Variants in ARPC1A observed in about 807,000 individuals in gnomAD.
ARPC1A encodes actin related protein 2/3 complex subunit 1A, also known as actin-related protein 2/3 complex subunit 1A.
A neutral mutation model predicts 46.9 loss-of-function variants in ARPC1A; 8 were observed. That is an observed-to-expected ratio of 0.17 (90% CI 0.10 to 0.31). ARPC1A has a LOEUF of 0.31. Among genes scored for constraint, ARPC1A ranks in the 10% least tolerant of loss-of-function variants. ARPC1A has a pLI of 1.00. For synonymous variants in ARPC1A, 152 were observed against 169.0 expected, an observed-to-expected ratio of 0.90 and a Z score of 0.78; for missense variants, 286 against 483.6, an observed-to-expected ratio of 0.59 and a Z score of 3.83.
chr7:99,358,523 G>A, intron 7 of ARPC1A, 108 bp downstream of exon 7: 13 of 546,438 alleles, frequency 2.4e-5, no homozygotes, highest in Non-Finnish European at 3.3e-5. Context: ...TTTTTTAGAA[G>A]AAACAGAGCT....
At chr7:99,338,521 G>C (rs1010196014) in intron 3 of ARPC1A, among the ~76,000 whole-genome samples, 2 of 151,514 alleles carry the variant, frequency 1.3e-5, no homozygotes. Flanking sequence ...GAGTAGCTGG[G>C]ATTACAGGCA....
At chr7:99,343,842 T>C (rs1157989810) in intron 3 of ARPC1A, among the ~76,000 whole-genome samples, 1 of 152,210 alleles carries the variant, frequency 6.6e-6, no homozygotes, top group South Asian at 2.1e-4. Flanking sequence ...TATTTTTATT[T>C]ACCCTGTATG....
At chr7:99,342,251 A>G (rs886096690) in intron 3 of ARPC1A, among the ~76,000 whole-genome samples, 1 of 152,054 alleles carries the variant, frequency 6.6e-6, no homozygotes, top group African/African-American at 2.4e-5. Flanking sequence ...AAAGATAATG[A>G]TTTTTCTTTT....
intron 4 of ARPC1A, among the ~76,000 whole-genome samples, chr7:99,345,672 T>A (rs889299981): frequency 2.6e-5 from 4 of 151,186 alleles, no homozygotes; most frequent in African/African-American, 7.3e-5. Flanking sequence ...AAAAAAAAAA[T>A]TATTTTTCTG....
intron 5 of ARPC1A, among the ~76,000 whole-genome samples, chr7:99,353,171 A>G (rs1172479791): frequency 6.8e-6 from 1 of 147,408 alleles, no homozygotes; most frequent in Non-Finnish European, 1.5e-5. Flanking sequence ...ATGTTATGTT[A>G]TTTTAGAGAC....
chr7:99,329,177 T>G lies in ARPC1A; in HGVS notation c.-30+3173T>G, dbSNP rs565056804. Among the ~76,000 whole-genome samples the G allele has an allele frequency of 3.6e-3, 542 of 151,952 alleles. 5 individuals are homozygous for G. The highest frequency in any genetic ancestry group is 0.012 in the African/African-American group (506 of 41,452). On this transcript the variant is annotated intron_variant, in intron 1 of 9. Coordinates refer to ENST00000262942, the MANE Select transcript of ARPC1A (RefSeq NM_006409.4). ...TTGGCCGGGTGTGGTGGCGGGCCCC[T>G]GTAGTCCCAGCTACTCGGGAGGCTG...
chr7:99,358,049 G>A (rs774880755), intron 6 of ARPC1A, among the ~76,000 whole-genome samples: 4 of 152,192 alleles, frequency 2.6e-5, no homozygotes, highest in Admixed American at 6.5e-5. Context: ...TGGGATCATG[G>A]GGGTGATCCC....
At chr7:99,330,993 T>C (rs912032322) in intron 1 of ARPC1A, among the ~76,000 whole-genome samples, 1 of 152,254 alleles carries the variant, frequency 6.6e-6, no homozygotes, top group African/African-American at 2.4e-5. Flanking sequence ...GCTTTTCATT[T>C]AGTTACAATT....
intron 3 of ARPC1A, 30 bp downstream of exon 3, chr7:99,338,315 G>A: frequency 6.8e-7 from 1 of 1,469,948 alleles, no homozygotes; most frequent in Non-Finnish European, 9.3e-7. Context: ...AGCTTAGTGT[G>A]ATATTTCCAA....
Position 99,353,891 on chromosome 7 carries a change from T to G in ARPC1A, c.501-18T>G. 1 of 1,611,326 alleles carries G rather than the reference T, an allele frequency of 6.2e-7. No homozygotes were observed. The highest frequency in any genetic ancestry group is 8.5e-7 in the Non-Finnish European group (1 of 1,177,746). ...TATTTTCATTTGCTTTTTCCTTTTC[T>G]CTCTGCCCTTTAAACAGAGTGTTTT... On this transcript the variant is annotated intron_variant, in intron 5 of 9. Transcript: ENST00000262942.
chr7:99,348,173 A>G (rs1474886175), intron 4 of ARPC1A, among the ~76,000 whole-genome samples: 6 of 152,212 alleles, frequency 3.9e-5, no homozygotes, highest in African/African-American at 9.6e-5. Flanking sequence ...CCCCAAATTC[A>G]CCAAAAATTC....
chr7:99,357,070 A>T (rs1052640868), intron 6 of ARPC1A, among the ~76,000 whole-genome samples: 34 of 152,106 alleles, frequency 2.2e-4, no homozygotes, highest in African/African-American at 7.5e-4. Flanking sequence ...ATACTTGATA[A>T]TACTTTTGTA....
At chr7:99,341,690 A>G (rs1051241541) in intron 3 of ARPC1A, among the ~76,000 whole-genome samples, 13 of 152,116 alleles carry the variant, frequency 8.5e-5, no homozygotes, top group Non-Finnish European at 1.8e-4. Context: ...CAAAGATGAA[A>G]GACCAAAGAA....
chr7:99,356,214 C>T (rs1793626331), intron 6 of ARPC1A, among the ~76,000 whole-genome samples: 1 of 152,184 alleles, frequency 6.6e-6, no homozygotes, highest in Non-Finnish European at 1.5e-5. Flanking sequence ...CAGTAAGAGT[C>T]ACCCAGTGTA....
In ARPC1A at chr7:99,366,005, A is replaced by G. The variant is rs1288513884; in HGVS notation, c.*76A>G. 1 of 1,489,828 alleles carries G rather than the reference A, an allele frequency of 6.7e-7. No individual in the cohort carries two copies. Among genetic ancestry groups the G allele is most frequent in the Non-Finnish European group, 9.1e-7 (1 of 1,094,184 alleles). The allele number at this position is 1,489,828 out of a possible 1,614,324, so 92.3% of individuals were successfully genotyped here. A position where few individuals can be genotyped will look rare whatever the true frequency, so the allele number is the denominator to read the frequency against. Reference sequence around the variant, plus strand: ...CTGTGCCGTGGCACGATGGCGAGGAAGCCAGCCCCAAGGAAACACTGAAAA... The same window carrying G: ...CTGTGCCGTGGCACGATGGCGAGGAGGCCAGCCCCAAGGAAACACTGAAAA... On this transcript the variant is annotated 3_prime_UTR_variant, in exon 10 of 10. Transcript: ENST00000262942.
chr7:99,353,034 C>T (rs1793570354), intron 5 of ARPC1A, among the ~76,000 whole-genome samples: 1 of 151,952 alleles, frequency 6.6e-6, no homozygotes, highest in Non-Finnish European at 1.5e-5. Flanking sequence ...ATAGCTCTAA[C>T]AATAATTCTG....
chr7:99,330,468 C>A (rs1793127745), intron 1 of ARPC1A, among the ~76,000 whole-genome samples: 1 of 152,180 alleles, frequency 6.6e-6, no homozygotes, highest in South Asian at 2.1e-4. Flanking sequence ...GTGCCTGCCA[C>A]CATGCCCGTC....
Position 99,338,212 on chromosome 7 carries a change from G to A in ARPC1A, c.96G>A (p.Val32=). 1 of 1,613,246 alleles carries A rather than the reference G, an allele frequency of 6.2e-7. No individual in the cohort carries two copies. The highest frequency in any genetic ancestry group is 2.2e-5 in the East Asian group (1 of 44,870). Residue 32 remains valine, a synonymous_variant, in exon 3 of 10, where the codon GTG becomes GTA. Coordinates refer to ENST00000262942, the MANE Select transcript of ARPC1A (RefSeq NM_006409.4). Reference sequence around the variant, plus strand: ...CCCTCAGTCCCAATAATCACGAAGTGCACATCTATAAGAAGAACGGGAGCC... The same window carrying A: ...CCCTCAGTCCCAATAATCACGAAGTACACATCTATAAGAAGAACGGGAGCC... The part of the protein sequence containing the change: ...QIALSPNNHE[V]HIYKKNGSQW...
intron 2 of ARPC1A, 66 bp from the exon 3 acceptor site, chr7:99,338,115 A>T: frequency 8.1e-7 from 1 of 1,235,950 alleles, no homozygotes; most frequent in Non-Finnish European, 1.2e-6. Flanking sequence ...AACAACTGTG[A>T]CATGTCCCCT....
Sources: allele counts gnomAD v4.1 joint callset (sites outside exome capture counted in the v4.1 genomes callset), GRCh38; gene constraint gnomAD v4.1.1; transcripts MANE v1.5; gene names NCBI Gene and HGNC (gene_info 2026-07-23, HGNC 2026-07-21).